The following PGM3 variants were observed in gnomAD, a reference collection of about 807,000 sequenced individuals.
The protein encoded by PGM3 is phosphoglucomutase 3.
Under a neutral mutation model 66.2 loss-of-function variants are expected in PGM3, and 40 were observed. The observed-to-expected ratio is 0.60, with a 90% CI of 0.47 to 0.79. The LOEUF (loss-of-function observed/expected upper bound fraction) is 0.79. Among genes scored for constraint, PGM3 ranks in the 30% least tolerant of loss-of-function variants. The pLI, the probability that PGM3 is intolerant of heterozygous loss-of-function variation, is 0.00. For synonymous variants in PGM3, 191 were observed against 224.2 expected (o/e 0.85, Z 1.32); for missense variants, 537 against 643.4 (o/e 0.83, Z 1.79).
the PGM3 span, among the ~76,000 whole-genome samples, chr6:83,152,848 C>T: frequency 6.6e-6 from 1 of 152,046 alleles, no homozygotes; most frequent in Non-Finnish European, 1.5e-5. Context: ...GAACTCCTGA[C>T]CTCAGGTAAT....
chr6:83,157,834 TG>T (rs1356552119), downstream of PGM3, among the ~76,000 whole-genome samples: 1 of 152,136 alleles, frequency 6.6e-6, no homozygotes, highest in Non-Finnish European at 1.5e-5. Context: ...TACACCCTTC[TG>T]TTCCCCTCCT....
chr6:83,157,453 C>CT, downstream of PGM3: 1 of 940,094 alleles, frequency 1.1e-6, no homozygotes, highest in Non-Finnish European at 1.6e-6. Flanking sequence ...ATGCTTTTTA[C>CT]AGTTGAAAAT....
At chr6:83,179,625 G>C (rs1386044779) in intron 7 of PGM3, among the ~76,000 whole-genome samples, 185 bp downstream of exon 7, 1 of 152,088 alleles carries the variant, frequency 6.6e-6, no homozygotes, top group Non-Finnish European at 1.5e-5. Flanking sequence ...AGTACCTTCA[G>C]GTTCCAAAGC....
At position 83,165,599 on chromosome 6, in the gene PGM3, G is replaced by A. The variant is rs925144381; in HGVS notation, c.*3635C>T. On this transcript the variant is annotated 3_prime_UTR_variant, in exon 13 of 13. Coordinates refer to ENST00000513973, the MANE Select transcript of PGM3 (RefSeq NM_015599.3). ...AAAAATCCATGCTTCCAAATTTGACGAACTCTTGGAAAGCATTTTCTGTGT... is the reference window on the plus strand; with the variant it reads ...AAAAATCCATGCTTCCAAATTTGACAAACTCTTGGAAAGCATTTTCTGTGT... The A allele has an allele frequency of 1.3e-4, 22 of 173,764 alleles. No individual in the cohort carries two copies. Among genetic ancestry groups the A allele is most frequent in the East Asian group, 3.2e-4 (2 of 6,194 alleles). The allele number at this position is 173,764 out of a possible 1,614,324, so 10.8% of individuals were successfully genotyped here.
chr6:83,191,976 AAAAAAAC>A (rs1562434676), intron 1 of PGM3, among the ~76,000 whole-genome samples: 1 of 148,092 alleles, frequency 6.8e-6, no homozygotes. Flanking sequence ...AAAAAAAAAA[AAAAAAAC>A]AGGCCAGGTG....
intron 1 of PGM3, 91 bp from the exon 2 acceptor site, chr6:83,191,105 T>C: frequency 3.4e-6 from 5 of 1,451,984 alleles, no homozygotes; most frequent in South Asian, 1.2e-5. Context: ...CGAATAGGTC[T>C]GTCTCATCCT....
intron 10 of PGM3, among the ~76,000 whole-genome samples, chr6:83,172,880 G>A (rs146570028): frequency 0.017 from 2,567 of 152,266 alleles, 45 homozygotes; most frequent in Admixed American, 0.058. Context: ...TATAAATTCA[G>A]AGTTTTAGGA....
chr6:83,148,951 G>A, the PGM3 span: 4 of 729,980 alleles, frequency 5.5e-6, no homozygotes, highest in Non-Finnish European at 8.3e-6. Context: ...TATTTTAGGT[G>A]ACAGTGATCT....
chr6:83,166,707 T>C lies in PGM3; in HGVS notation c.*2527A>G. 1 of 1,222,996 alleles carries C rather than the reference T, an allele frequency of 8.2e-7. No homozygotes were observed. Among genetic ancestry groups the C allele is most frequent in the Non-Finnish European group, 1.0e-6 (1 of 981,694 alleles). The allele number at this position is 1,222,996 out of a possible 1,614,324, so 75.8% of individuals were successfully genotyped here. On this transcript the variant is annotated 3_prime_UTR_variant, in exon 13 of 13. Transcript: ENST00000513973. The stretch of plus-strand genomic sequence containing the variant: ...CTAATATTTTCCTTTTTCAGGATTT[T>C]ACTTTAAAATAAGCAATAAGCTTGA...
intron 5 of PGM3, among the ~76,000 whole-genome samples, chr6:83,182,192 CAATT>C (rs1172356754): frequency 2.0e-5 from 3 of 152,142 alleles, no homozygotes; most frequent in Non-Finnish European, 4.4e-5. Context: ...AATTTAGTCT[CAATT>C]AACAGGGTCT....
intron 12 of PGM3, chr6:83,169,601 A>T: frequency 2.2e-6 from 1 of 457,782 alleles, no homozygotes; most frequent in Non-Finnish European, 4.1e-6. Flanking sequence ...ATTCAATAAA[A>T]CTTTAATCCA....
At chr6:83,181,147 T>G (rs1214803739) in intron 6 of PGM3, among the ~76,000 whole-genome samples, 2 of 152,170 alleles carry the variant, frequency 1.3e-5, no homozygotes, top group African/African-American at 4.8e-5. Context: ...ACAACTAAAA[T>G]CTGAAGAAAA....
chr6:83,151,595 T>C, the PGM3 span: 1 of 1,603,130 alleles, frequency 6.2e-7, no homozygotes, highest in Non-Finnish European at 8.5e-7. Context: ...CCTTTTAGGG[T>C]TCTGAATGAG....
chr6:83,168,646 T>C lies in PGM3; in HGVS notation c.*588A>G, dbSNP rs1164668343. On this transcript the variant is annotated 3_prime_UTR_variant, in exon 13 of 13. Transcript: ENST00000513973. ...AGAGCAGTGAAGAATAACTGAAGGC[T>C]GGACCATGCATCCTTAAAAGTATTG... is the stretch of plus-strand genomic sequence containing the variant. 4 of 996,810 alleles carry C rather than the reference T, an allele frequency of 4.0e-6. No homozygotes were observed. Among genetic ancestry groups the C allele is most frequent in the Non-Finnish European group, 4.8e-6 (4 of 837,096 alleles). The allele number at this position is 996,810 out of a possible 1,614,324, so 61.7% of individuals were successfully genotyped here.
At chr6:83,179,091 A>T (rs1209154336) in intron 7 of PGM3, among the ~76,000 whole-genome samples, 1 of 152,090 alleles carries the variant, frequency 6.6e-6, no homozygotes, top group Non-Finnish European at 1.5e-5. Context: ...TGGGTGGATC[A>T]CCTGAGGTCA....
rs1785132363 is a variant in PGM3 at position 83,165,056 on chromosome 6, G to A, written c.*4178C>T. 2 of 217,396 alleles carry A rather than the reference G, an allele frequency of 9.2e-6. No homozygotes were observed. Among genetic ancestry groups the A allele is most frequent in the Non-Finnish European group, 1.8e-5 (2 of 109,642 alleles). The allele number at this position is 217,396 out of a possible 1,614,324, so 13.5% of individuals were successfully genotyped here. On this transcript the variant is annotated 3_prime_UTR_variant, in exon 13 of 13. Coordinates refer to ENST00000513973, the MANE Select transcript of PGM3 (RefSeq NM_015599.3). ...GTTACCCCATAGTTCTCTTACATTT[G>A]GAAGTTAGCTATATAGAGGGTACAA...
Position 83,174,369 on chromosome 6 carries a change from C to A in PGM3, c.1242+5G>T. The stretch of plus-strand genomic sequence containing the variant: ...CCAAGAGTCCACTGCCCCATCAGTT[C>A]TGACCTGGTTAAACAAGTCAATAAT... On this transcript the variant is annotated splice_donor_5th_base_variant and intron_variant, in intron 10 of 12. Coordinates refer to ENST00000513973, the MANE Select transcript of PGM3 (RefSeq NM_015599.3). The A allele has an allele frequency of 6.9e-7, 1 of 1,459,380 alleles. No homozygotes were observed. The highest frequency in any genetic ancestry group is 9.6e-7 in the Non-Finnish European group (1 of 1,040,512). The allele number at this position is 1,459,380 out of a possible 1,614,324, so 90.4% of individuals were successfully genotyped here.
intron 2 of PGM3, 41 bp downstream of exon 2, chr6:83,190,768 G>A (rs1210503157): frequency 2.0e-6 from 3 of 1,474,792 alleles, no homozygotes; most frequent in East Asian, 2.3e-5. Flanking sequence ...GCTTGGTCTT[G>A]TAAATAATGG....
chr6:83,169,268 C>T lies in PGM3; in HGVS notation c.1595G>A (p.Gly532Glu). Residue 532 changes from glycine to glutamate, a missense_variant, in exon 13 of 13, where the codon GGA (glycine) becomes GAA (glutamate). Transcript: ENST00000513973. ...EVSLAVFQLA[G>E]GIGERPQPGF ...TGGTTGGGGCCTTTCTCCAATTCCT[C>T]CAGCCAGCTGAAATACTGCCAAGCT... 1 of 1,614,092 alleles carries T rather than the reference C, an allele frequency of 6.2e-7. No individual in the cohort carries two copies. Among genetic ancestry groups the T allele is most frequent in the Non-Finnish European group, 8.5e-7 (1 of 1,179,950 alleles).
Sources: gnomAD v4.1 joint callset for allele counts (sites outside exome capture counted in the v4.1 genomes callset) on GRCh38, gnomAD v4.1.1 for gene constraint, MANE v1.5 for transcripts, NCBI Gene and HGNC (gene_info 2026-07-23, HGNC 2026-07-21) for gene names.